MAP2: variants seen among roughly 807,000 people sequenced by gnomAD.
The protein encoded by MAP2 is microtubule associated protein 2, also known as microtubule-associated protein 2.
Under a neutral mutation model 137.6 loss-of-function variants are expected in MAP2, and 14 were observed. The ratio of observed to expected loss-of-function variants is 0.10; its 90% confidence interval spans 0.07 to 0.16. The LOEUF (loss-of-function observed/expected upper bound fraction) is 0.16, where lower values mean the gene tolerates loss of function less well. Among genes scored for constraint, MAP2 ranks in the 10% least tolerant of loss-of-function variants. The pLI, the probability that MAP2 is intolerant of heterozygous loss-of-function variation, is 1.00. For synonymous variants in MAP2, 786 were observed against 782.3 expected, an observed-to-expected ratio of 1.00 and a Z score of -0.08; for missense variants, 2,088 against 2,191.5, an observed-to-expected ratio of 0.95 and a Z score of 0.94.
intron 3 of MAP2, among the ~76,000 whole-genome samples, chr2:209,584,735 G>T (rs779495773): frequency 9.9e-5 from 15 of 152,062 alleles, no homozygotes; most frequent in Non-Finnish European, 2.2e-4. Context: ...TCCAAAGAGG[G>T]TATTGACTGT....
chr2:209,537,335 C>A (rs1453753168), intron 2 of MAP2, among the ~76,000 whole-genome samples: 1 of 152,128 alleles, frequency 6.6e-6, no homozygotes, highest in Non-Finnish European at 1.5e-5. Flanking sequence ...AATAAATTTT[C>A]CATATAAGTT....
intron 1 of MAP2, among the ~76,000 whole-genome samples, chr2:209,470,827 A>G (rs1394495519): frequency 6.6e-6 from 1 of 152,174 alleles, no homozygotes; most frequent in Non-Finnish European, 1.5e-5. Flanking sequence ...GGCAAAAACC[A>G]CTTGCACATT....
intron 1 of MAP2, among the ~76,000 whole-genome samples, chr2:209,481,625 C>T (rs1708808586): frequency 6.6e-6 from 1 of 152,020 alleles, no homozygotes; most frequent in Admixed American, 6.5e-5. Flanking sequence ...AAAATTGGCT[C>T]CCCACAAAAA....
At chr2:209,469,385 A>C (rs1021517604) in intron 1 of MAP2, among the ~76,000 whole-genome samples, 5 of 152,214 alleles carry the variant, frequency 3.3e-5, no homozygotes, top group Admixed American at 1.3e-4. Context: ...TCTCTGGGCC[A>C]AAATATGCTT....
chr2:209,448,615 T>A (rs1347502484), intron 1 of MAP2, among the ~76,000 whole-genome samples: 4 of 152,242 alleles, frequency 2.6e-5, no homozygotes. Flanking sequence ...AAGATCCCAT[T>A]CCTTGCCTCT....
chr2:209,561,031 A>G (rs1035142609), intron 2 of MAP2, among the ~76,000 whole-genome samples: 4 of 152,134 alleles, frequency 2.6e-5, no homozygotes, highest in East Asian at 1.9e-4. Context: ...TCTTTTCTTT[A>G]TATCTTCATC....
chr2:209,704,357 G>C (rs1000160289), intron 11 of MAP2: 9 of 1,068,994 alleles, frequency 8.4e-6, no homozygotes, highest in Middle Eastern at 2.9e-4. Flanking sequence ...AAAAGACTTT[G>C]AGTTTCTTAT....
At position 209,693,836 on chromosome 2, in the gene MAP2, G is replaced by C. The variant is rs752338755; in HGVS notation, c.1666G>C (p.Ala556Pro). Residue 556 changes from alanine to proline, a missense_variant, in exon 8 of 16, where the codon GCT (alanine) becomes CCT (proline). Transcript: ENST00000682079. ...TGAAGGAGTTGGAGCTGCAACATCA[G>C]CTGAGCTTGATATGCCATTTTATGA... The part of the protein sequence containing the change: ...KIEGVGAATS[A>P]ELDMPFYEDK... 1 of 1,613,880 alleles carries C rather than the reference G, an allele frequency of 6.2e-7. No homozygotes were observed. The highest frequency in any genetic ancestry group is 1.7e-4 in the Middle Eastern group (1 of 6,056).
In MAP2 at chr2:209,695,193, C is replaced by G. The variant is rs1328347789; in HGVS notation, c.3023C>G (p.Thr1008Arg). 6 of 1,614,148 alleles carry G rather than the reference C, an allele frequency of 3.7e-6. No homozygotes were observed. In the South Asian group the frequency reaches 5.5e-5, roughly 15 times the overall value. The change falls in exon 8 of 16, where the codon ACA (threonine) becomes AGA (arginine). Residue 1008 changes from threonine (T) to arginine (R), a missense_variant. Coordinates refer to ENST00000682079, the MANE Select transcript of MAP2 (RefSeq NM_001375505.1). ...QALAKDLSIP[T>R]DASSEKAEKG... is the part of the protein sequence containing the mutation. ...TTGGCCAAAGATTTGTCAATACCAA[C>G]AGATGCATCCTCTGAGAAAGCAGAG...
intron 1 of MAP2, among the ~76,000 whole-genome samples, chr2:209,430,084 A>T (rs1693836194): frequency 6.6e-6 from 1 of 151,288 alleles, no homozygotes; most frequent in African/African-American, 2.4e-5. Flanking sequence ...TATATGATTC[A>T]CTACGTCCTT....
At chr2:209,441,306 A>G (rs947604643) in intron 1 of MAP2, among the ~76,000 whole-genome samples, 3 of 148,332 alleles carry the variant, frequency 2.0e-5, no homozygotes, top group Non-Finnish European at 4.4e-5. Context: ...ACATAATACC[A>G]CGTTTTATTT....
At chr2:209,666,974 TG>T (rs1384992890) in intron 5 of MAP2, among the ~76,000 whole-genome samples, 1 of 152,008 alleles carries the variant, frequency 6.6e-6, no homozygotes. Context: ...CAACTGAATG[TG>T]GAAAAACTAC....
At chr2:209,549,026 T>A (rs2068641189) in intron 2 of MAP2, among the ~76,000 whole-genome samples, 1 of 152,200 alleles carries the variant, frequency 6.6e-6, no homozygotes, top group Admixed American at 6.5e-5. Context: ...TCTAGAATGT[T>A]GACTTTTTTC....
intron 3 of MAP2, among the ~76,000 whole-genome samples, chr2:209,616,865 A>G (rs1482847235): frequency 1.3e-5 from 2 of 152,188 alleles, no homozygotes; most frequent in African/African-American, 2.4e-5. Flanking sequence ...GCTTAGGTTC[A>G]GTGAAGCATA....
chr2:209,593,183 C>T lies in MAP2; in HGVS notation c.-107+13083C>T, dbSNP rs1384472892. 5.3e-5 allele frequency among the ~76,000 whole-genome samples: 8 copies of T among 152,050 alleles called. No homozygotes were observed. The East Asian group carries it at 1.4e-3, about 26-fold the overall frequency. On this transcript the variant is annotated intron_variant, in intron 3 of 15. Coordinates refer to ENST00000682079, the MANE Select transcript of MAP2 (RefSeq NM_001375505.1). ...GTTCATTTTTAAAGTATGTAAATAA[C>T]ATTCTTTCAAATCTCTCTGAGAAAA...
chr2:209,570,269 G>A (rs931631003), intron 2 of MAP2, among the ~76,000 whole-genome samples: 1 of 151,680 alleles, frequency 6.6e-6, no homozygotes, highest in Non-Finnish European at 1.5e-5. Flanking sequence ...AAAATTCTTA[G>A]TTCTATGTTT....
In MAP2 at chr2:209,733,043, A is replaced by T. The variant is rs1468701800; in HGVS notation, c.*2646A>T. 3 of 152,564 alleles carry T rather than the reference A, an allele frequency of 2.0e-5. No individual in the cohort carries two copies. The highest frequency in any genetic ancestry group is 7.2e-5 in the African/African-American group (3 of 41,438). 9.5% of individuals were successfully genotyped at this position (152,564 alleles called of 1,614,324 possible). A position where few individuals can be genotyped will look rare whatever the true frequency, so the allele number is the denominator to read the frequency against. ...CTTTTTGAGCACCACTCTTGTGGGG[A>T]CACACATACGCTGATCTAGGAATGA... On this transcript the variant is annotated 3_prime_UTR_variant, in exon 16 of 16. Transcript: ENST00000682079.
At chr2:209,506,953 AGAT>A (rs1187802439) in intron 1 of MAP2, among the ~76,000 whole-genome samples, 1 of 152,206 alleles carries the variant, frequency 6.6e-6, no homozygotes, top group Non-Finnish European at 1.5e-5. Context: ...AGGCAGCAGC[AGAT>A]TGGTTTTGCT....
At chr2:209,512,926 C>T (rs1232689486) in intron 2 of MAP2, among the ~76,000 whole-genome samples, 1 of 152,130 alleles carries the variant, frequency 6.6e-6, no homozygotes, top group Non-Finnish European at 1.5e-5. Flanking sequence ...AGATTACAGG[C>T]ATGAGACACT....
Sources: allele counts gnomAD v4.1 joint callset (sites outside exome capture counted in the v4.1 genomes callset), GRCh38; gene constraint gnomAD v4.1.1; transcripts MANE v1.5; gene names NCBI Gene and HGNC (gene_info 2026-07-23, HGNC 2026-07-21).